The following CDH12 variants were observed in gnomAD, a reference collection of about 807,000 sequenced individuals.
CDH12 encodes the protein cadherin 12, also known as cadherin-12.
Under a neutral mutation model 74.1 loss-of-function variants are expected in CDH12, and 41 were observed. The ratio of observed to expected loss-of-function variants is 0.55; its 90% CI spans 0.43 to 0.72. The LOEUF is 0.72. Among genes scored for constraint, CDH12 ranks in the 30% least tolerant of loss-of-function variants. The pLI is 0.00. For synonymous variants in CDH12, 399 were observed against 355.0 expected (o/e 1.12, Z -1.39); for missense variants, 945 against 977.2 (o/e 0.97, Z 0.44).
At chr5:22,280,806 T>C (rs565702636) in intron 3 of CDH12, among the ~76,000 whole-genome samples, 9 of 152,312 alleles carry the variant, frequency 5.9e-5, no homozygotes, top group African/African-American at 2.2e-4. Context: ...AAGGAGGAGC[T>C]GGTACCATTC....
chr5:22,801,855 C>A (rs973474660), intron 1 of CDH12, among the ~76,000 whole-genome samples: 4 of 151,090 alleles, frequency 2.6e-5, no homozygotes, highest in Admixed American at 2.0e-4. Context: ...TTGCTTGGGC[C>A]ATTTTAAAAT....
intron 4 of CDH12, among the ~76,000 whole-genome samples, chr5:22,156,224 T>A (rs187002091): frequency 0.015 from 2,216 of 152,178 alleles, 56 homozygotes; most frequent in African/African-American, 0.051. Context: ...CCTTCTTCTG[T>A]CTGTAGACAA....
intron 1 of CDH12, among the ~76,000 whole-genome samples, chr5:22,651,706 T>TC (rs1350088909): frequency 6.6e-6 from 1 of 151,566 alleles, no homozygotes; most frequent in Admixed American, 6.6e-5. Context: ...TGGTGGTTTT[T>TC]TTTTTTTCAG....
At chr5:21,914,093 G>A (rs2150066019) in intron 6 of CDH12, among the ~76,000 whole-genome samples, 1 of 152,184 alleles carries the variant, frequency 6.6e-6, no homozygotes, top group East Asian at 1.9e-4. Flanking sequence ...CATACACTAA[G>A]GCATTATTGC....
intron 5 of CDH12, among the ~76,000 whole-genome samples, chr5:22,071,997 T>C (rs768155353): frequency 6.6e-6 from 1 of 152,078 alleles, no homozygotes; most frequent in African/African-American, 2.4e-5. Flanking sequence ...AAATTTTTCA[T>C]TATCTCTTCA....
At chr5:21,886,763 T>A (rs1215831114) in intron 6 of CDH12, among the ~76,000 whole-genome samples, 1 of 151,752 alleles carries the variant, frequency 6.6e-6, no homozygotes, top group Admixed American at 6.6e-5. Flanking sequence ...TTTTCATAGA[T>A]GTTGGGGGAA....
intron 5 of CDH12, among the ~76,000 whole-genome samples, chr5:22,025,488 A>C (rs1220582811): frequency 6.6e-6 from 1 of 152,176 alleles, no homozygotes; most frequent in Admixed American, 6.5e-5. Flanking sequence ...GCTAATGATC[A>C]TCTCACTGAA....
chr5:22,745,317 G>T (rs890559678), intron 1 of CDH12, among the ~76,000 whole-genome samples: 1 of 151,980 alleles, frequency 6.6e-6, no homozygotes, highest in Admixed American at 6.6e-5. Flanking sequence ...ACCTTGGGAA[G>T]ATTTGCCATG....
chr5:22,073,773 C>T (rs749002519), intron 5 of CDH12, among the ~76,000 whole-genome samples: 1 of 151,588 alleles, frequency 6.6e-6, no homozygotes, highest in Non-Finnish European at 1.5e-5. Flanking sequence ...TCTTTAAATA[C>T]AAGGGTTGTT....
At chr5:22,042,629 T>C (rs2150184696) in intron 5 of CDH12, among the ~76,000 whole-genome samples, 1 of 152,208 alleles carries the variant, frequency 6.6e-6, no homozygotes, top group African/African-American at 2.4e-5. Flanking sequence ...CTCACACCTA[T>C]AATTACAGCA....
intron 1 of CDH12, among the ~76,000 whole-genome samples, chr5:22,592,125 C>T (rs1014512707): frequency 6.6e-6 from 1 of 152,176 alleles, no homozygotes; most frequent in Non-Finnish European, 1.5e-5. Flanking sequence ...GGCTGCAAGG[C>T]TCCAGTGCAT....
At chr5:22,035,732 AC>A (rs1739136759) in intron 5 of CDH12, among the ~76,000 whole-genome samples, 1 of 151,588 alleles carries the variant, frequency 6.6e-6, no homozygotes, top group Non-Finnish European at 1.5e-5. Context: ...ACACACACAC[AC>A]ACACACACAC....
intron 3 of CDH12, among the ~76,000 whole-genome samples, chr5:22,327,428 CTG>C (rs71609761): frequency 0.24 from 24,771 of 102,910 alleles, 2,068 homozygotes; most frequent in Non-Finnish European, 0.27. Context: ...ATTTGTGCCT[CTG>C]TGTGTGTGTG....
chr5:22,096,836 A>C lies in CDH12; in HGVS notation c.-186-17974T>G, dbSNP rs182874733. ...AAGGTCACAAGGCCGTCTTATTCTC[A>C]ATATACATTTTATTTTATTACCCAA... On this transcript the variant is annotated intron_variant, in intron 4 of 14. Transcript: ENST00000382254. 9.2e-4 allele frequency among the ~76,000 whole-genome samples: 140 copies of C among 152,246 alleles called. 1 individual carries two copies. Among genetic ancestry groups the C allele is most frequent in the Admixed American group, 2.0e-3 (30 of 15,288 alleles).
chr5:21,993,910 A>C (rs1736114067), intron 5 of CDH12, among the ~76,000 whole-genome samples: 1 of 152,166 alleles, frequency 6.6e-6, no homozygotes, highest in South Asian at 2.1e-4. Context: ...AAAAGAAATC[A>C]TGCCTTAAGA....
intron 3 of CDH12, among the ~76,000 whole-genome samples, chr5:22,315,823 G>A (rs1276928198): frequency 6.6e-6 from 1 of 152,128 alleles, no homozygotes; most frequent in Non-Finnish European, 1.5e-5. Context: ...TGTGATTGAG[G>A]AATTAGTGGC....
At chr5:22,733,025 G>T (rs1744511566) in intron 1 of CDH12, among the ~76,000 whole-genome samples, 1 of 151,898 alleles carries the variant, frequency 6.6e-6, no homozygotes, top group South Asian at 2.1e-4. Context: ...CTGAAATAAT[G>T]TGTGTGATTA....
chr5:22,458,108 G>A (rs772284668), intron 2 of CDH12, among the ~76,000 whole-genome samples: 1 of 151,970 alleles, frequency 6.6e-6, no homozygotes, highest in East Asian at 1.9e-4. Flanking sequence ...TCGAACTGCT[G>A]ACCTTAAATC....
chr5:22,711,393 A>C (rs2126974539), intron 1 of CDH12, among the ~76,000 whole-genome samples: 1 of 152,286 alleles, frequency 6.6e-6, no homozygotes, highest in African/African-American at 2.4e-5. Flanking sequence ...ACCACTCCAT[A>C]TGAAATGTGT....
Sources: allele counts gnomAD v4.1 joint callset (sites outside exome capture counted in the v4.1 genomes callset), GRCh38; gene constraint gnomAD v4.1.1; transcripts MANE v1.5; gene names NCBI Gene and HGNC (gene_info 2026-07-23, HGNC 2026-07-21).